Variants in ZCCHC7 observed in about 807,000 individuals in gnomAD.
ZCCHC7 encodes zinc finger CCHC domain-containing protein 7.
Under a neutral mutation model 52.0 loss-of-function variants are expected in ZCCHC7, and 35 were observed. That is an observed-to-expected ratio of 0.67 (90% CI 0.51 to 0.89). The LOEUF is 0.89. ZCCHC7 is among the 40% of genes least tolerant of loss of function. The pLI is 0.00. For synonymous variants in ZCCHC7, 217 were observed against 221.5 expected (o/e 0.98, Z 0.18); for missense variants, 574 against 649.1 (o/e 0.88, Z 1.26).
At chr9:37,284,156 T>C (rs1828102388) in intron 2 of ZCCHC7, 2 of 151,984 alleles carry the variant, frequency 1.3e-5, no homozygotes, top group Admixed American at 1.3e-4. Flanking sequence ...GTGGTCCCCA[T>C]ACTTGTACCC....
chr9:37,212,026 CAAAAAAAAAAAAAAAAAAAAAAAAAAA>C (rs574190937), intron 2 of ZCCHC7, among the ~76,000 whole-genome samples: 3 of 55,430 alleles, frequency 5.4e-5, no homozygotes, highest in African/African-American at 1.2e-4. Flanking sequence ...GACTCCGTCT[CAAAAAAAAAAAAAAAAAAAAAAAAAAA>C]AAAAAAAAAA....
intron 2 of ZCCHC7, among the ~76,000 whole-genome samples, chr9:37,283,424 T>C (rs894165305): frequency 2.0e-5 from 3 of 152,304 alleles, no homozygotes; most frequent in East Asian, 1.9e-4. Flanking sequence ...AGTACTCCTA[T>C]TGTTTGAAAA....
At chr9:37,353,606 A>G (rs1159341140) in intron 7 of ZCCHC7, among the ~76,000 whole-genome samples, 3 of 152,172 alleles carry the variant, frequency 2.0e-5, no homozygotes, top group Admixed American at 2.0e-4. Flanking sequence ...TTCTTGGGGG[A>G]AAAACAGGCA....
At chr9:37,206,336 C>T (rs1368724496) in intron 2 of ZCCHC7, among the ~76,000 whole-genome samples, 1 of 147,270 alleles carries the variant, frequency 6.8e-6, no homozygotes, top group Non-Finnish European at 1.5e-5. Flanking sequence ...ACTTCTCTCT[C>T]ATTCCTCTTC....
intron 2 of ZCCHC7, among the ~76,000 whole-genome samples, chr9:37,263,850 T>C (rs1041362559): frequency 2.6e-5 from 4 of 152,218 alleles, no homozygotes; most frequent in Non-Finnish European, 4.4e-5. Context: ...TAAAATTACT[T>C]ATGAAGCAAA....
intron 2 of ZCCHC7, among the ~76,000 whole-genome samples, chr9:37,282,379 G>A (rs937160184): frequency 7.2e-5 from 11 of 152,088 alleles, no homozygotes; most frequent in Middle Eastern, 3.4e-3. Context: ...CGAGACAGGC[G>A]GATCACTAGG....
chr9:37,121,878 C>T (rs1485573247), intron 1 of ZCCHC7, among the ~76,000 whole-genome samples: 1 of 152,164 alleles, frequency 6.6e-6, no homozygotes, highest in Non-Finnish European at 1.5e-5. Flanking sequence ...TTTGGATTCT[C>T]CATCCCAATC....
intron 5 of ZCCHC7, among the ~76,000 whole-genome samples, chr9:37,320,648 T>C (rs1213127061): frequency 6.6e-6 from 1 of 152,228 alleles, no homozygotes; most frequent in Admixed American, 6.5e-5. Context: ...GTTCTCTACA[T>C]AGTTAGATTT....
At chr9:37,192,915 A>G (rs569418987) in intron 2 of ZCCHC7, among the ~76,000 whole-genome samples, 1 of 152,132 alleles carries the variant, frequency 6.6e-6, no homozygotes, top group Non-Finnish European at 1.5e-5. Flanking sequence ...TGGGATGCTT[A>G]TTTAGATGTT....
chr9:37,257,051 T>C (rs1377501605), intron 2 of ZCCHC7, among the ~76,000 whole-genome samples: 1 of 152,228 alleles, frequency 6.6e-6, no homozygotes, highest in East Asian at 1.9e-4. Flanking sequence ...TTAGTAGTTT[T>C]CAAGGTGGCT....
chr9:37,353,806 A>T (rs575959119), intron 7 of ZCCHC7, among the ~76,000 whole-genome samples: 2 of 152,338 alleles, frequency 1.3e-5, no homozygotes, highest in Admixed American at 1.3e-4. Context: ...ACTCTTTAAA[A>T]TATATTCTAA....
chr9:37,240,284 T>C (rs1256606412), intron 2 of ZCCHC7, among the ~76,000 whole-genome samples: 1 of 152,050 alleles, frequency 6.6e-6, no homozygotes, highest in Non-Finnish European at 1.5e-5. Flanking sequence ...TATATATTTT[T>C]GGCTTTAGAT....
chr9:37,314,348 G>A (rs1232507274), intron 5 of ZCCHC7, among the ~76,000 whole-genome samples: 2 of 150,434 alleles, frequency 1.3e-5, no homozygotes, highest in Non-Finnish European at 1.5e-5. Context: ...AATCACATTT[G>A]GGAAGACACA....
chr9:37,200,647 G>A (rs753786914), intron 2 of ZCCHC7, among the ~76,000 whole-genome samples: 5 of 152,168 alleles, frequency 3.3e-5, no homozygotes, highest in East Asian at 3.8e-4. Context: ...GGGTAGAAGC[G>A]GGAGCCAATT....
chr9:37,309,170 C>G (rs1165332361), intron 5 of ZCCHC7, among the ~76,000 whole-genome samples: 1 of 152,120 alleles, frequency 6.6e-6, no homozygotes, highest in Non-Finnish European at 1.5e-5. Context: ...GCCTACACAC[C>G]TGGTGTAGGA....
chr9:37,264,219 A>T (rs1826993594), intron 2 of ZCCHC7, among the ~76,000 whole-genome samples: 2 of 152,358 alleles, frequency 1.3e-5, no homozygotes, highest in South Asian at 4.1e-4. Flanking sequence ...GTGAAAATTA[A>T]ACATTAATAA....
In ZCCHC7 at chr9:37,162,723, C is replaced by T. The variant is rs77810238; in HGVS notation, c.610+35781C>T. ...TAGATGCTTTCTTCTTGAGTAAATA[C>T]CTCGGAGTGGAATGGCTGAATTGTA... On this transcript the variant is annotated intron_variant, in intron 2 of 8. Transcript: ENST00000336755. Among the ~76,000 whole-genome samples the T allele has an allele frequency of 7.2e-5, 11 of 152,258 alleles. No individual in the cohort carries two copies. The East Asian group carries it at 2.1e-3, about 29-fold the overall frequency.
chr9:37,347,358 C>G (rs1821053994), intron 6 of ZCCHC7, among the ~76,000 whole-genome samples: 1 of 152,286 alleles, frequency 6.6e-6, no homozygotes, highest in Admixed American at 6.5e-5. Flanking sequence ...CCTACAACTT[C>G]CATTCAATTT....
At chr9:37,148,513 G>A (rs1057381514) in intron 2 of ZCCHC7, among the ~76,000 whole-genome samples, 1 of 152,052 alleles carries the variant, frequency 6.6e-6, no homozygotes, top group African/African-American at 2.4e-5. Flanking sequence ...TCCATTTGTA[G>A]GGAAAGGTTT....
Sources: gnomAD v4.1 joint callset for allele counts (sites outside exome capture counted in the v4.1 genomes callset) on GRCh38, gnomAD v4.1.1 for gene constraint, MANE v1.5 for transcripts, NCBI Gene and HGNC (gene_info 2026-07-23, HGNC 2026-07-21) for gene names.